Variants in RSPH14 observed in about 807,000 individuals in gnomAD.
RSPH14 encodes rhabdoid tumor deletion region gene 1.
RSPH14 carries 20 observed loss-of-function variants against 26.7 expected under a neutral mutation model. The observed-to-expected ratio is 0.75, with a 90% CI of 0.53 to 1.09. The LOEUF (loss-of-function observed/expected upper bound fraction) is 1.09, where lower values mean the gene tolerates loss of function less well. Ranked by LOEUF, RSPH14 falls within the 50% of genes least tolerant of loss-of-function variation. The probability of loss-of-function intolerance (pLI) is 0.00; values close to 1 mark genes in which losing one functional copy is unlikely to be tolerated. For synonymous variants in RSPH14, 177 were observed against 189.3 expected, an observed-to-expected ratio of 0.93 and a Z score of 0.53; for missense variants, 449 against 457.2, an observed-to-expected ratio of 0.98 and a Z score of 0.16.
chr22:23,161,673 C>A, the RSPH14 span: 1 of 986,478 alleles, frequency 1.0e-6, no homozygotes, highest in Non-Finnish European at 1.5e-6. Flanking sequence ...CGCCCTCAAG[C>A]TGTAGGCCCA....
At chr22:23,161,842 A>G in the RSPH14 span, 3 of 449,716 alleles carry the variant, frequency 6.7e-6, no homozygotes, top group Non-Finnish European at 1.2e-5. Flanking sequence ...AGGCCAGTCC[A>G]TTTGCAGGGT....
At position 23,096,037 on chromosome 22, in the gene RSPH14, T is replaced by G. The variant is rs140611510; in HGVS notation, c.422-31904A>C. Reference sequence around the variant, plus strand: ...AGCTCTTTGCGCTGACGGGCCCCGCTGAGAGCAAGGGCGAGATCACACCCG... The same window carrying G: ...AGCTCTTTGCGCTGACGGGCCCCGCGGAGAGCAAGGGCGAGATCACACCCG... On this transcript the variant is annotated intron_variant, in intron 4 of 6. Transcript: ENST00000216036. 1,830 of 1,606,940 alleles carry G rather than the reference T, an allele frequency of 1.1e-3. 20 individuals are homozygous for G. Among genetic ancestry groups the G allele is most frequent in the Non-Finnish European group, 4.7e-4 (550 of 1,179,932 alleles).
intron 4 of RSPH14, chr22:23,096,007 T>C (rs146834504): frequency 1.2e-6 from 2 of 1,607,970 alleles, no homozygotes; most frequent in African/African-American, 1.3e-5. Context: ...CCTACGACGC[T>C]GTGCAGCTCT....
chr22:23,062,464 G>C (rs566692646), intron 5 of RSPH14, among the ~76,000 whole-genome samples: 1 of 152,164 alleles, frequency 6.6e-6, no homozygotes, highest in Non-Finnish European at 1.5e-5. Flanking sequence ...CTGAGAGAGG[G>C]TCAATTCTGT....
In RSPH14 at chr22:23,140,316, C is replaced by T. The variant is rs2070569229; in HGVS notation, c.105G>A (p.Leu35=). The change falls in exon 2 of 7, where the codon CTG becomes CTA. Residue 35 remains leucine (L), a synonymous_variant. Coordinates refer to ENST00000216036, the MANE Select transcript of RSPH14 (RefSeq NM_014433.3). ...HRALPKLKEE[L]QSEDLQTRQK... Reference sequence around the variant, plus strand: ...GCCTCGTCTGGAGGTCCTCTGACTGCAGCTCCTCCTTCAGCTTGGGCAGGG... The same window carrying T: ...GCCTCGTCTGGAGGTCCTCTGACTGTAGCTCCTCCTTCAGCTTGGGCAGGG... The T allele has an allele frequency of 6.2e-7, 1 of 1,614,096 alleles. No homozygotes were observed. Among genetic ancestry groups the T allele is most frequent in the African/African-American group, 1.3e-5 (1 of 74,938 alleles).
intron 4 of RSPH14, chr22:23,096,432 G>A: frequency 6.3e-7 from 1 of 1,587,794 alleles, no homozygotes; most frequent in Non-Finnish European, 8.6e-7. Flanking sequence ...AGTGGGGCCG[G>A]GGGTTTTCCT....
the RSPH14 span, chr22:23,153,474 G>T: frequency 4.3e-6 from 3 of 703,218 alleles, no homozygotes; most frequent in Non-Finnish European, 5.2e-6. Flanking sequence ...CACCAGGCCA[G>T]CAGGGTGGCC....
chr22:23,104,967 C>T (rs947381193), intron 4 of RSPH14, among the ~76,000 whole-genome samples: 1 of 152,220 alleles, frequency 6.6e-6, no homozygotes, highest in African/African-American at 2.4e-5. Flanking sequence ...GCATGTGGCT[C>T]CCGTCTGGAT....
At chr22:23,076,317 T>C (rs544599697) in intron 4 of RSPH14, among the ~76,000 whole-genome samples, 6 of 152,304 alleles carry the variant, frequency 3.9e-5, no homozygotes, top group East Asian at 1.9e-4. Flanking sequence ...GGAGTCACCA[T>C]TGAGAATCGC....
At chr22:23,155,757 G>A in the RSPH14 span, among the ~76,000 whole-genome samples, 2 of 152,218 alleles carry the variant, frequency 1.3e-5, no homozygotes, top group Admixed American at 6.5e-5. Context: ...CATCCACTAG[G>A]AATGAGAGAA....
Position 23,061,882 on chromosome 22 carries a change from C to T in RSPH14, c.717G>A (p.Leu239=). 6.2e-7 allele frequency: 1 copy of T among 1,614,148 alleles called. No individual in the cohort carries two copies. Among genetic ancestry groups the T allele is most frequent in the Non-Finnish European group, 8.5e-7 (1 of 1,180,018 alleles). The change falls in exon 6 of 7, where the codon CTG becomes CTA. Residue 239 remains leucine (L), a synonymous_variant. Transcript: ENST00000216036. ...TCACATGCTCCACTGGGTCTTTCAGCAGATGGACCAGGATGGGGATGACGT... is the reference window on the plus strand; with the variant it reads ...TCACATGCTCCACTGGGTCTTTCAGTAGATGGACCAGGATGGGGATGACGT... ...HFDVIPILVH[L]LKDPVEHVKS...
the RSPH14 span, chr22:23,159,301 G>T: frequency 6.6e-7 from 1 of 1,518,466 alleles, no homozygotes; most frequent in Non-Finnish European, 8.9e-7. Context: ...CCCTGCTCTT[G>T]GGCCAGTCCT....
chr22:23,159,195 C>T, the RSPH14 span: 7 of 1,610,718 alleles, frequency 4.3e-6, no homozygotes, highest in South Asian at 1.1e-5. Context: ...CCGAAGCAGA[C>T]GCTGTGCACC....
the RSPH14 span, among the ~76,000 whole-genome samples, chr22:23,168,988 G>A: frequency 6.6e-6 from 1 of 152,210 alleles, no homozygotes; most frequent in Non-Finnish European, 1.5e-5. Flanking sequence ...CTTCGGGAAC[G>A]AGCTCATCTT....
chr22:23,098,855 C>T (rs2069204476), intron 4 of RSPH14, among the ~76,000 whole-genome samples: 3 of 152,256 alleles, frequency 2.0e-5, no homozygotes. Flanking sequence ...CAGCCCGTCT[C>T]CAGCCGGGCC....
At chr22:23,063,873 G>A (rs1454065222) in intron 5 of RSPH14, 29 bp downstream of exon 5, 1 of 1,609,450 alleles carries the variant, frequency 6.2e-7, no homozygotes, top group African/African-American at 1.3e-5. Context: ...CCCAGCCTTG[G>A]TAGAAACCCA....
intron 4 of RSPH14, among the ~76,000 whole-genome samples, chr22:23,099,895 CTTG>C (rs2069244889): frequency 6.6e-6 from 1 of 152,268 alleles, no homozygotes; most frequent in Non-Finnish European, 1.5e-5. Context: ...TAGGTGGGCA[CTTG>C]TTGCCCAACC....
At chr22:23,067,010 C>T (rs1273594754) in intron 4 of RSPH14, among the ~76,000 whole-genome samples, 3 of 152,082 alleles carry the variant, frequency 2.0e-5, no homozygotes, top group Non-Finnish European at 4.4e-5. Flanking sequence ...AGGGAGGCCC[C>T]GGGGAAGCTG....
chr22:23,101,305 G>GCC (rs202037984), intron 4 of RSPH14, among the ~76,000 whole-genome samples: 1 of 152,142 alleles, frequency 6.6e-6, no homozygotes, highest in Non-Finnish European at 1.5e-5. Flanking sequence ...AATTCCAGTG[G>GCC]CCCCCCTCTT....
Sources: allele counts gnomAD v4.1 joint callset (sites outside exome capture counted in the v4.1 genomes callset), GRCh38; gene constraint gnomAD v4.1.1; transcripts MANE v1.5; gene names NCBI Gene and HGNC (gene_info 2026-07-23, HGNC 2026-07-21).